The following TTLL7 variants were observed in gnomAD, a reference collection of about 807,000 sequenced individuals.
The protein encoded by TTLL7 is tubulin polyglutamylase TTLL7.
A neutral mutation model predicts 120.2 loss-of-function variants in TTLL7; 53 were observed. That is an observed-to-expected ratio of 0.44 (90% CI 0.35 to 0.55). TTLL7 has a LOEUF of 0.55. Among genes scored for constraint, TTLL7 ranks in the 20% least tolerant of loss-of-function variants. The pLI, the probability that TTLL7 is intolerant of heterozygous loss-of-function variation, is 0.00. For synonymous variants in TTLL7, 353 were observed against 351.7 expected (o/e 1.00, Z -0.04); for missense variants, 803 against 1,054.7 (o/e 0.76, Z 3.31).
intron 20 of TTLL7, among the ~76,000 whole-genome samples, chr1:83,871,623 C>T (rs1483858616): frequency 1.3e-5 from 2 of 151,632 alleles, no homozygotes; most frequent in Non-Finnish European, 1.5e-5. Context: ...AGGCCGGGCG[C>T]GGTGGCTCAC....
chr1:83,896,582 A>C (rs1189723779), intron 18 of TTLL7, among the ~76,000 whole-genome samples: 2 of 152,132 alleles, frequency 1.3e-5, no homozygotes, highest in East Asian at 3.9e-4. Flanking sequence ...TGCTGATGCA[A>C]AACGAACAGC....
In TTLL7 at chr1:83,985,406, C is replaced by T. The variant is rs74726253; in HGVS notation, c.-177+13525G>A. Among the ~76,000 whole-genome samples the T allele has an allele frequency of 9.0e-3, 1,372 of 152,336 alleles. 58 individuals carry two copies. The East Asian group carries it at 0.14, about 16-fold the overall frequency. On this transcript the variant is annotated intron_variant, in intron 1 of 20. Coordinates refer to ENST00000260505, the MANE Select transcript of TTLL7 (RefSeq NM_024686.6). ...TCTTCTGGCTGCTTTGTTCTAGCCA[C>T]ACTGGCACAATGAGGGTGGGTCTTC...
chr1:83,875,715 C>G (rs1370380034), intron 20 of TTLL7, among the ~76,000 whole-genome samples: 1 of 151,866 alleles, frequency 6.6e-6, no homozygotes, highest in Non-Finnish European at 1.5e-5. Context: ...TGATTATTAG[C>G]TTAAACACTT....
In TTLL7 at chr1:83,942,680, C is replaced by G; in HGVS notation, c.507-1G>C. On this transcript the variant is annotated splice_acceptor_variant, in intron 6 of 20. Transcript: ENST00000260505. LOFTEE classifies it high-confidence loss of function. The stretch of plus-strand genomic sequence containing the variant: ...GTCACCATTTCTTATCAAAGAAATC[C>G]TATGTTTAAAGAAAAAAATTAAAAG... The G allele has an allele frequency of 6.2e-7, 1 of 1,600,122 alleles. No individual in the cohort carries two copies. The highest frequency in any genetic ancestry group is 8.5e-7 in the Non-Finnish European group (1 of 1,170,632).
rs183337571 is a variant in TTLL7, at chr1:83,901,484, T to C, written c.2208+2595A>G. Among the ~76,000 whole-genome samples, 15 of 152,136 alleles carry C rather than the reference T, an allele frequency of 9.9e-5. No homozygotes were observed. In the East Asian group the frequency reaches 1.6e-3, roughly 16 times the overall value. On this transcript the variant is annotated intron_variant, in intron 18 of 20. Coordinates refer to ENST00000260505, the MANE Select transcript of TTLL7 (RefSeq NM_024686.6). Reference sequence around the variant, plus strand: ...ATTAATATCGTACTCTCTACTTTTTTAAATTAGCAACTTACCTACACTTCT... The same window carrying C: ...ATTAATATCGTACTCTCTACTTTTTCAAATTAGCAACTTACCTACACTTCT...
At chr1:83,881,151 T>A (rs2100706377) in intron 20 of TTLL7, among the ~76,000 whole-genome samples, 1 of 151,252 alleles carries the variant, frequency 6.6e-6, no homozygotes, top group African/African-American at 2.4e-5. Flanking sequence ...GAAGAAAACC[T>A]AGGCAATACC....
chr1:83,969,498 C>A (rs512737), intron 1 of TTLL7, among the ~76,000 whole-genome samples: 121,553 of 151,864 alleles, frequency 0.8, 49,069 homozygotes, highest in East Asian at 0.9. Context: ...TTATTAGTCT[C>A]CTTCTTTGAA....
At chr1:83,937,814 G>A (rs1647567856) in intron 8 of TTLL7, 38 bp downstream of exon 8, 1 of 1,606,604 alleles carries the variant, frequency 6.2e-7, no homozygotes, top group East Asian at 2.2e-5. Flanking sequence ...TTATTGCTGA[G>A]GAAAGACTGT....
At chr1:83,906,630 G>A (rs1214557735) in intron 16 of TTLL7, 167 bp from the exon 17 acceptor site, 3 of 855,746 alleles carry the variant, frequency 3.5e-6, no homozygotes, top group Non-Finnish European at 5.4e-6. Flanking sequence ...GGATTAAATG[G>A]ATATGAATCC....
chr1:83,964,884 G>A (rs1410646801), intron 1 of TTLL7, among the ~76,000 whole-genome samples: 3 of 152,062 alleles, frequency 2.0e-5, no homozygotes, highest in Middle Eastern at 3.2e-3. Context: ...ATTTTCAGTT[G>A]TGCCTCATGG....
Position 83,866,060 on chromosome 1 carries a change from A to G in TTLL7, c.*3902T>C, listed in dbSNP as rs1652893005. 1 of 151,926 alleles carries G rather than the reference A, an allele frequency of 6.6e-6. No individual in the cohort carries two copies. The highest frequency in any genetic ancestry group is 6.6e-5 in the Admixed American group (1 of 15,246). The allele number at this position is 151,926 out of a possible 1,614,324, so 9.4% of individuals were successfully genotyped here. On this transcript the variant is annotated 3_prime_UTR_variant, in exon 21 of 21. Coordinates refer to ENST00000260505, the MANE Select transcript of TTLL7 (RefSeq NM_024686.6). The stretch of plus-strand genomic sequence containing the variant: ...ATCATCAGGTCACAAGAACACAATT[A>G]ATTGTACAGTTATACATTTTATTTA...
chr1:83,926,450 T>A (rs907285902), intron 10 of TTLL7, among the ~76,000 whole-genome samples: 1 of 152,006 alleles, frequency 6.6e-6, no homozygotes, highest in Admixed American at 6.6e-5. Context: ...GGCACTCCAA[T>A]CCATATTGCT....
chr1:83,914,323 C>CTTT (rs1171299360), intron 14 of TTLL7, among the ~76,000 whole-genome samples: 2,107 of 78,476 alleles, frequency 0.027, 43 homozygotes, highest in Non-Finnish European at 0.028. Flanking sequence ...CTCTCTCTCT[C>CTTT]TTTTTTTTTT....
rs112232804 is a variant in TTLL7 at position 83,962,185 on chromosome 1, A to G, written c.-176-9798T>C. ...AATGACATCACCCAAATGTCATCTG[A>G]TGCCAGCATTTATAGTTTTTAGTGT... is the stretch of plus-strand genomic sequence containing the variant. On this transcript the variant is annotated intron_variant, in intron 1 of 20. Coordinates refer to ENST00000260505, the MANE Select transcript of TTLL7 (RefSeq NM_024686.6). Among the ~76,000 whole-genome samples the G allele has an allele frequency of 9.9e-3, 1,500 of 152,272 alleles. 10 individuals carry two copies. The highest frequency in any genetic ancestry group is 0.017 in the Non-Finnish European group (1,140 of 68,000).
At chr1:83,875,374 T>C (rs979724240) in intron 20 of TTLL7, among the ~76,000 whole-genome samples, 4 of 152,002 alleles carry the variant, frequency 2.6e-5, no homozygotes, top group Admixed American at 6.6e-5. Context: ...TGCAGTTTGT[T>C]CATTTTCAAT....
At chr1:83,877,464 A>G (rs1453247486) in intron 20 of TTLL7, among the ~76,000 whole-genome samples, 2 of 152,000 alleles carry the variant, frequency 1.3e-5, no homozygotes, top group Non-Finnish European at 2.9e-5. Flanking sequence ...GATGCCATCT[A>G]CAGCTGGAGT....
At chr1:83,950,790 C>T (rs1648968067) in intron 3 of TTLL7, among the ~76,000 whole-genome samples, 1 of 152,126 alleles carries the variant, frequency 6.6e-6, no homozygotes, top group Non-Finnish European at 1.5e-5. Context: ...GAATATTCCT[C>T]TCTCATCTGT....
At chr1:83,924,650 A>G (rs1658964049) in intron 10 of TTLL7, among the ~76,000 whole-genome samples, 1 of 152,196 alleles carries the variant, frequency 6.6e-6, no homozygotes, top group Non-Finnish European at 1.5e-5. Context: ...GATGGTGGTG[A>G]TAGTTGCACA....
intron 1 of TTLL7, among the ~76,000 whole-genome samples, chr1:83,954,955 T>C (rs1471349492): frequency 2.0e-5 from 3 of 151,418 alleles, no homozygotes; most frequent in African/African-American, 7.3e-5. Flanking sequence ...AAGGAATCAA[T>C]TTTCCAAAAT....
Sources: gnomAD v4.1 joint callset for allele counts (sites outside exome capture counted in the v4.1 genomes callset) on GRCh38, gnomAD v4.1.1 for gene constraint, MANE v1.5 for transcripts, NCBI Gene and HGNC (gene_info 2026-07-23, HGNC 2026-07-21) for gene names.